PARM1: variants seen among roughly 807,000 people sequenced by gnomAD.
PARM1 encodes WSC4, cell wall integrity and stress response component 4 homolog.
PARM1 carries 14 observed loss-of-function variants against 24.6 expected under a neutral mutation model. The observed-to-expected ratio is 0.57, with a 90% confidence interval of 0.38 to 0.89. PARM1 has a LOEUF of 0.89. Among genes scored for constraint, PARM1 ranks in the 40% least tolerant of loss-of-function variants. The pLI is 0.00. For missense variants in PARM1, 362 were observed against 380.4 expected (o/e 0.95, Z 0.40); for synonymous variants, 179 against 156.6 (o/e 1.14, Z -1.07).
At chr4:75,041,885 A>G (rs1723494814) in intron 3 of PARM1, among the ~76,000 whole-genome samples, 1 of 152,228 alleles carries the variant, frequency 6.6e-6, no homozygotes, top group South Asian at 2.1e-4. Flanking sequence ...CATATGATAC[A>G]GTAGACTCAC....
intron 1 of PARM1, among the ~76,000 whole-genome samples, chr4:74,964,445 T>G (rs1721855520): frequency 6.6e-6 from 1 of 152,206 alleles, no homozygotes; most frequent in Admixed American, 6.5e-5. Context: ...CCAGTTTAGC[T>G]AATGCTTACT....
Position 75,029,049 on chromosome 4 carries a change from AC to A in PARM1, c.770-4830del, listed in dbSNP as rs1362501987. On this transcript the variant is annotated intron_variant, in intron 2 of 3. Coordinates refer to ENST00000307428, the MANE Select transcript of PARM1 (RefSeq NM_015393.4). ...GGCAGGAGGCTTGGACATGAACAGA[AC>A]CCCTTCTGAGTGTGTGATCAAGAAA... Among the ~76,000 whole-genome samples, 4 of 151,964 alleles carry A rather than the reference AC, an allele frequency of 2.6e-5. No homozygotes were observed. The East Asian group carries it at 7.7e-4, about 29-fold the overall frequency.
chr4:75,018,169 T>C (rs911227317), intron 2 of PARM1, among the ~76,000 whole-genome samples: 1 of 152,224 alleles, frequency 6.6e-6, no homozygotes, highest in Admixed American at 6.5e-5. Context: ...GTCACTTCAC[T>C]CATGGACATT....
At chr4:74,982,999 C>G (rs1480632077) in intron 1 of PARM1, among the ~76,000 whole-genome samples, 1 of 152,208 alleles carries the variant, frequency 6.6e-6, no homozygotes, top group Non-Finnish European at 1.5e-5. Context: ...TACTGCCTTA[C>G]CTCACCACTG....
intron 1 of PARM1, among the ~76,000 whole-genome samples, chr4:74,957,559 A>G (rs1429789291): frequency 6.6e-6 from 1 of 152,150 alleles, no homozygotes; most frequent in African/African-American, 2.4e-5. Context: ...TGTTCTTTTT[A>G]AAGATTTGGG....
rs756602747 is a variant in PARM1 at position 75,013,068 on chromosome 4, G to A, written c.687G>A (p.Val229=). Residue 229 remains valine (V), a synonymous_variant, in exon 2 of 4, where the codon GTG becomes GTA. Coordinates refer to ENST00000307428, the MANE Select transcript of PARM1 (RefSeq NM_015393.4). ...KTPPTTVSGK[V]MCELIDMETT... ...CCCCAACAACTGTGTCAGGCAAAGTGATGTGTGAGCTCATAGACATGGAGA... is the reference window on the plus strand; with the variant it reads ...CCCCAACAACTGTGTCAGGCAAAGTAATGTGTGAGCTCATAGACATGGAGA... The A allele has an allele frequency of 1.2e-6, 2 of 1,614,006 alleles. No homozygotes were observed. Among genetic ancestry groups the A allele is most frequent in the South Asian group, 2.2e-5 (2 of 91,084 alleles).
At chr4:75,032,747 G>A (rs1398330041) in intron 2 of PARM1, among the ~76,000 whole-genome samples, 2 of 152,174 alleles carry the variant, frequency 1.3e-5, no homozygotes, top group Admixed American at 1.3e-4. Flanking sequence ...AGCTACTAAT[G>A]GTTGAACCAC....
intron 1 of PARM1, among the ~76,000 whole-genome samples, chr4:75,002,276 T>C (rs2109787638): frequency 6.6e-6 from 1 of 152,328 alleles, no homozygotes; most frequent in East Asian, 1.9e-4. Context: ...AGGCAATATT[T>C]GGGCTTTGTA....
intron 1 of PARM1, among the ~76,000 whole-genome samples, chr4:75,006,317 G>A (rs902220871): frequency 1.0e-4 from 13 of 128,646 alleles, no homozygotes; most frequent in South Asian, 7.4e-4. Flanking sequence ...GGCAGGCCCC[G>A]GTGTGTGATG....
chr4:75,042,722 C>A (rs1201952774), intron 3 of PARM1, among the ~76,000 whole-genome samples: 1 of 151,992 alleles, frequency 6.6e-6, no homozygotes, highest in Non-Finnish European at 1.5e-5. Context: ...CCTCTTATCA[C>A]ACGTACAAAA....
chr4:75,000,082 G>T (rs538334137), intron 1 of PARM1, among the ~76,000 whole-genome samples: 3 of 152,028 alleles, frequency 2.0e-5, no homozygotes, highest in Non-Finnish European at 4.4e-5. Context: ...TGAAGGATGT[G>T]GGAAGCACTC....
chr4:74,936,341 A>G (rs1721182939), intron 1 of PARM1, among the ~76,000 whole-genome samples: 1 of 152,180 alleles, frequency 6.6e-6, no homozygotes, highest in Non-Finnish European at 1.5e-5. Context: ...AGGGAACGAG[A>G]ATGGCAGGCC....
chr4:75,012,562 C>T lies in PARM1; in HGVS notation c.181C>T (p.His61Tyr). The T allele has an allele frequency of 6.2e-7, 1 of 1,613,964 alleles. No homozygotes were observed. Among genetic ancestry groups the T allele is most frequent in the South Asian group, 1.1e-5 (1 of 91,070 alleles). The change falls in exon 2 of 4, where the codon CAC becomes TAC. Residue 61 changes from histidine to tyrosine, a missense_variant. Coordinates refer to ENST00000307428, the MANE Select transcript of PARM1 (RefSeq NM_015393.4). ...ADTASPSNGT[H>Y]NNSVLPVTAS... ...CACTGCCTCCCCATCCAACGGCACTCACAACAACTCGGTGCTCCCAGTTAC... is the reference window on the plus strand; with the variant it reads ...CACTGCCTCCCCATCCAACGGCACTTACAACAACTCGGTGCTCCCAGTTAC...
intron 2 of PARM1, among the ~76,000 whole-genome samples, chr4:75,027,113 G>A (rs1443948150): frequency 6.6e-6 from 1 of 152,122 alleles, no homozygotes; most frequent in African/African-American, 2.4e-5. Context: ...ACCCACCTTA[G>A]GCACCATTCC....
chr4:74,999,608 C>T (rs1328662577), intron 1 of PARM1, among the ~76,000 whole-genome samples: 1 of 152,196 alleles, frequency 6.6e-6, no homozygotes, highest in Non-Finnish European at 1.5e-5. Context: ...TTGCACACAG[C>T]AGGCACTCTA....
chr4:75,037,236 T>A (rs1189088008), intron 3 of PARM1, among the ~76,000 whole-genome samples: 4 of 152,236 alleles, frequency 2.6e-5, no homozygotes, highest in Admixed American at 6.5e-5. Context: ...ATCTGTTTTC[T>A]GTGGTCTTTT....
chr4:75,026,602 C>A (rs1446979331), intron 2 of PARM1, among the ~76,000 whole-genome samples: 3 of 152,194 alleles, frequency 2.0e-5, no homozygotes, highest in African/African-American at 7.2e-5. Flanking sequence ...ATGGTCCCTG[C>A]TCCCCAAACT....
intron 1 of PARM1, among the ~76,000 whole-genome samples, chr4:74,988,912 A>C (rs772779263): frequency 3.3e-5 from 5 of 152,326 alleles, no homozygotes; most frequent in Non-Finnish European, 7.4e-5. Flanking sequence ...AGGTAGTATA[A>C]GCCAAAACCA....
intron 1 of PARM1, among the ~76,000 whole-genome samples, chr4:74,944,125 TC>T (rs1409240089): frequency 3.9e-5 from 6 of 152,122 alleles, no homozygotes; most frequent in Non-Finnish European, 7.4e-5. Context: ...GGTTGGCATA[TC>T]CCCCAGCTAC....
Sources: gnomAD v4.1 joint callset for allele counts (sites outside exome capture counted in the v4.1 genomes callset) on GRCh38, gnomAD v4.1.1 for gene constraint, MANE v1.5 for transcripts, NCBI Gene and HGNC (gene_info 2026-07-23, HGNC 2026-07-21) for gene names.